Variants in CERS4 observed in about 807,000 individuals in gnomAD.
CERS4 encodes the protein LAG1 homolog, ceramide synthase 4.
CERS4 carries 65 observed loss-of-function variants against 51.8 expected under a neutral mutation model. The ratio of observed to expected loss-of-function variants is 1.26; its 90% CI spans 1.03 to 1.54. CERS4 has a LOEUF of 1.54. CERS4 is among the 40% of genes most tolerant of loss of function. The pLI, the probability that CERS4 is intolerant of heterozygous loss-of-function variation, is 0.00. For missense variants in CERS4, 563 were observed against 500.4 expected (o/e 1.13, Z -1.19); for synonymous variants, 228 against 208.4 (o/e 1.09, Z -0.81).
intron 3 of CERS4, among the ~76,000 whole-genome samples, chr19:8,253,127 G>A (rs1225817627): frequency 1.3e-5 from 2 of 152,246 alleles, no homozygotes; most frequent in Non-Finnish European, 2.9e-5. Context: ...ATGTTAGGAG[G>A]GATGGTGGAT....
At chr19:8,233,072 G>A (rs373739938) in intron 2 of CERS4, among the ~76,000 whole-genome samples, 1 of 151,458 alleles carries the variant, frequency 6.6e-6, no homozygotes, top group African/African-American at 2.4e-5. Context: ...TAAGAGATGA[G>A]GGTCTCTCTA....
At position 8,262,308 on chromosome 19, in the gene CERS4, C is replaced by T. The variant is rs1057200754; in HGVS notation, c.*199C>T. 2 of 488,930 alleles carry T rather than the reference C, an allele frequency of 4.1e-6. No homozygotes were observed. Among genetic ancestry groups the T allele is most frequent in the African/African-American group, 4.0e-5 (2 of 50,130 alleles). The allele number at this position is 488,930 out of a possible 1,614,324, so 30.3% of individuals were successfully genotyped here. Reference sequence around the variant, plus strand: ...CTTCCCTCTGGGCAACTGGACAGATCTGGGAGCCAGCAGCTGGATGCTGTG... The same window carrying T: ...CTTCCCTCTGGGCAACTGGACAGATTTGGGAGCCAGCAGCTGGATGCTGTG... On this transcript the variant is annotated 3_prime_UTR_variant, in exon 12 of 12. Transcript: ENST00000251363.
chr19:8,235,352 T>C (rs1385310753), intron 2 of CERS4, among the ~76,000 whole-genome samples: 4 of 151,402 alleles, frequency 2.6e-5, no homozygotes, highest in African/African-American at 9.7e-5. Context: ...AGTCTCAAAC[T>C]CCTGACCTCA....
chr19:8,245,504 C>G (rs184104187), intron 2 of CERS4, among the ~76,000 whole-genome samples: 391 of 152,164 alleles, frequency 2.6e-3, no homozygotes, highest in Non-Finnish European at 3.7e-3. Context: ...CTGCCTCAGC[C>G]TCCTAAACAC....
chr19:8,252,407 G>A (rs941370220), intron 3 of CERS4, among the ~76,000 whole-genome samples: 1 of 148,464 alleles, frequency 6.7e-6, no homozygotes, highest in Non-Finnish European at 1.5e-5. Context: ...CCCACCAGTA[G>A]CTGGGACTGT....
At chr19:8,211,890 CAAAA>C (rs57231018) in intron 2 of CERS4, among the ~76,000 whole-genome samples, 3 of 75,530 alleles carry the variant, frequency 4.0e-5, no homozygotes, top group Admixed American at 1.6e-4. Flanking sequence ...AGACTATCTC[CAAAA>C]AAAAAAAAAA....
At chr19:8,256,478 G>T in intron 7 of CERS4, 140 bp from the exon 8 acceptor site, 1 of 986,884 alleles carries the variant, frequency 1.0e-6, no homozygotes, top group Non-Finnish European at 1.5e-6. Flanking sequence ...CACTGCCCTT[G>T]ATTACCTCCA....
At chr19:8,255,029 A>G (rs42316) in intron 4 of CERS4, among the ~76,000 whole-genome samples, 139,934 of 152,196 alleles carry the variant, frequency 0.92, 64,537 homozygotes, top group Admixed American at 0.97. Context: ...GTCTGAGCTG[A>G]TAGGGAATGG....
At chr19:8,212,532 G>A (rs1050855260) in intron 2 of CERS4, among the ~76,000 whole-genome samples, 1 of 152,096 alleles carries the variant, frequency 6.6e-6, no homozygotes, top group Admixed American at 6.6e-5. Context: ...ACCAGGAGTG[G>A]GTGGCAAGCT....
At chr19:8,242,401 T>A (rs893147383) in intron 2 of CERS4, among the ~76,000 whole-genome samples, 3 of 152,160 alleles carry the variant, frequency 2.0e-5, no homozygotes, top group Non-Finnish European at 4.4e-5. Flanking sequence ...CTGTTCCCCT[T>A]TCTGTGCCAC....
At chr19:8,213,687 C>T (rs555796083) in intron 2 of CERS4, among the ~76,000 whole-genome samples, 2 of 152,170 alleles carry the variant, frequency 1.3e-5, no homozygotes, top group African/African-American at 4.8e-5. Context: ...ATAGAGAGGC[C>T]CGGCGCGGTG....
At chr19:8,240,136 G>A (rs962807560) in intron 2 of CERS4, among the ~76,000 whole-genome samples, 1 of 152,072 alleles carries the variant, frequency 6.6e-6, no homozygotes, top group East Asian at 1.9e-4. Context: ...TGTCTGGGGT[G>A]CAAACATGGT....
chr19:8,253,877 C>G (rs1181770595), intron 3 of CERS4, among the ~76,000 whole-genome samples: 2 of 152,068 alleles, frequency 1.3e-5, no homozygotes, highest in Non-Finnish European at 2.9e-5. Flanking sequence ...CATGAGTCAG[C>G]TGCCTTTCTT....
chr19:8,256,339 T>C, intron 7 of CERS4, 53 bp downstream of exon 7: 1 of 1,595,492 alleles, frequency 6.3e-7, no homozygotes. Flanking sequence ...ATGATCACAG[T>C]TGCTGCAGCC....
chr19:8,251,341 C>G, intron 3 of CERS4, 92 bp downstream of exon 3: 18 of 1,458,938 alleles, frequency 1.2e-5, no homozygotes, highest in Non-Finnish European at 1.6e-5. Context: ...CAGCATGTCC[C>G]GAGTAGAAGC....
chr19:8,255,772 TGGGGCGGGG>T (rs1969344143), intron 5 of CERS4, 41 bp from the exon 6 acceptor site: 1 of 1,259,658 alleles, frequency 7.9e-7, no homozygotes. Context: ...CGGGCCGGGG[TGGGGCGGGG>T]CGGGTGTCTG....
chr19:8,244,019 G>A (rs1277204604), intron 2 of CERS4, among the ~76,000 whole-genome samples: 1 of 152,168 alleles, frequency 6.6e-6, no homozygotes, highest in East Asian at 1.9e-4. Context: ...GCTTGAGATG[G>A]GAGATCATCT....
chr19:8,222,034 T>C (rs7253584), intron 2 of CERS4: 118,300 of 150,256 alleles, frequency 0.79, 46,698 homozygotes, highest in African/African-American at 0.84. Flanking sequence ...GTGCCTGCCA[T>C]CACGCCCAGC....
intron 2 of CERS4, among the ~76,000 whole-genome samples, chr19:8,243,942 A>T (rs1305729114): frequency 6.6e-6 from 1 of 152,218 alleles, no homozygotes; most frequent in East Asian, 1.9e-4. Context: ...TCAGACTGGA[A>T]GGCTGACAGC....
Sources: gnomAD v4.1 joint callset for allele counts (sites outside exome capture counted in the v4.1 genomes callset) on GRCh38, gnomAD v4.1.1 for gene constraint, MANE v1.5 for transcripts, NCBI Gene and HGNC (gene_info 2026-07-23, HGNC 2026-07-21) for gene names.